UBE4B: variants seen among roughly 807,000 people sequenced by gnomAD.
UBE4B encodes ubiquitin conjugation factor E4 B.
A neutral mutation model predicts 148.1 loss-of-function variants in UBE4B; 27 were observed. The observed-to-expected ratio is 0.18, with a 90% CI of 0.13 to 0.25. The LOEUF (loss-of-function observed/expected upper bound fraction) is 0.25. Among genes scored for constraint, UBE4B ranks in the 10% least tolerant of loss-of-function variants. UBE4B has a pLI of 1.00. For synonymous variants in UBE4B, 596 were observed against 619.3 expected (o/e 0.96, Z 0.56); for missense variants, 1,170 against 1,662.4 (o/e 0.70, Z 5.15).
intron 7 of UBE4B, among the ~76,000 whole-genome samples, chr1:10,111,966 AAAAG>A (rs926471721): frequency 1.3e-5 from 2 of 152,152 alleles, no homozygotes; most frequent in Non-Finnish European, 2.9e-5. Context: ...CAAAAAAAAA[AAAAG>A]AAAGAAAATG....
chr1:10,103,820 G>A (rs1329710487), intron 5 of UBE4B, among the ~76,000 whole-genome samples: 1 of 151,772 alleles, frequency 6.6e-6, no homozygotes, highest in African/African-American at 2.4e-5. Flanking sequence ...TAGAGACAGG[G>A]TTTCACCATG....
At chr1:10,111,692 C>T (rs1223428095) in intron 7 of UBE4B, among the ~76,000 whole-genome samples, 1 of 152,104 alleles carries the variant, frequency 6.6e-6, no homozygotes, top group Non-Finnish European at 1.5e-5. Flanking sequence ...CGCGGTGGCT[C>T]ACACCTGTAA....
At chr1:10,089,097 C>T (rs1257609220) in intron 2 of UBE4B, among the ~76,000 whole-genome samples, 1 of 152,050 alleles carries the variant, frequency 6.6e-6, no homozygotes, top group Non-Finnish European at 1.5e-5. Context: ...ACCTCTGCCT[C>T]CCAGGTTCCA....
At chr1:10,059,875 CA>C (rs1644251963) in intron 1 of UBE4B, among the ~76,000 whole-genome samples, 1 of 152,122 alleles carries the variant, frequency 6.6e-6, no homozygotes, top group Admixed American at 6.6e-5. Context: ...CAGCCCAAGC[CA>C]AGGGAAGGCT....
At chr1:10,151,912 T>C (rs898553570) in intron 21 of UBE4B, among the ~76,000 whole-genome samples, 3 of 152,134 alleles carry the variant, frequency 2.0e-5, no homozygotes, top group Admixed American at 2.0e-4. Context: ...TTTTTAACAC[T>C]ATCCTATAAC....
rs5772395 is a variant in UBE4B, at chr1:10,082,632, CT to C, written c.211+10443del. Among the ~76,000 whole-genome samples the C allele has an allele frequency of 7.6e-3, 806 of 105,926 alleles. 30 individuals carry two copies. The East Asian group carries it at 0.14, about 18-fold the overall frequency. The allele number at this position is 105,926 out of a possible 152,430, so 69.5% of individuals were successfully genotyped here. A position where few individuals can be genotyped will look rare whatever the true frequency, so the allele number is the denominator to read the frequency against. ...ACTGTAGGTCCTATTAAGAAGGCGA[CT>C]TTTTTTTTTTTTTTTTTTTTTTTTA... On this transcript the variant is annotated intron_variant, in intron 2 of 27. Transcript: ENST00000343090.
intron 1 of UBE4B, among the ~76,000 whole-genome samples, chr1:10,063,491 C>A (rs551898203): frequency 1.1e-4 from 17 of 152,336 alleles, no homozygotes; most frequent in African/African-American, 4.1e-4. Context: ...CAGCCAAGTT[C>A]TGTTGGGAAC....
intron 1 of UBE4B, among the ~76,000 whole-genome samples, chr1:10,045,262 G>A (rs984206385): frequency 2.0e-5 from 3 of 152,174 alleles, no homozygotes; most frequent in South Asian, 2.1e-4. Flanking sequence ...GGGGACCCCC[G>A]CATTAGGGAG....
chr1:10,108,971 C>T (rs949827402), intron 7 of UBE4B, among the ~76,000 whole-genome samples: 2 of 152,108 alleles, frequency 1.3e-5, no homozygotes, highest in Admixed American at 6.5e-5. Context: ...CTCTAACAAC[C>T]GTATCAGATT....
intron 10 of UBE4B, among the ~76,000 whole-genome samples, chr1:10,124,385 C>T (rs181426516): frequency 2.0e-5 from 3 of 152,178 alleles, no homozygotes; most frequent in African/African-American, 4.8e-5. Context: ...TGGTCTTGAA[C>T]TCTTGGCCTC....
Position 10,117,535 on chromosome 1 carries a change from G to A in UBE4B, c.1273G>A (p.Asp425Asn). The change falls in exon 8 of 28, where the codon GAT becomes AAT. Residue 425 changes from aspartate to asparagine, a missense_variant. Around this residue, in one of 6 missense-constraint regions of UBE4B, gnomAD observed 388 missense variants for 536.0 expected, o/e 0.72. Transcript: ENST00000343090. ...CACCATTGAAACCTGCAAAGAGACA[G>A]ATATGCTGAACTACCTCATCGAGTG... The part of the protein sequence containing the change: ...HFTIETCKET[D>N]MLNYLIECFD... 1 of 1,611,878 alleles carries A rather than the reference G, an allele frequency of 6.2e-7. No homozygotes were observed. Among genetic ancestry groups the A allele is most frequent in the Non-Finnish European group, 8.5e-7 (1 of 1,179,368 alleles).
chr1:10,044,557 C>T (rs1267460730), intron 1 of UBE4B, among the ~76,000 whole-genome samples: 2 of 151,276 alleles, frequency 1.3e-5, no homozygotes, highest in African/African-American at 4.9e-5. Flanking sequence ...CTTACTCTTC[C>T]TTCCTTCCTT....
chr1:10,090,056 G>A (rs1644820622), intron 2 of UBE4B, among the ~76,000 whole-genome samples: 1 of 151,640 alleles, frequency 6.6e-6, no homozygotes, highest in Non-Finnish European at 1.5e-5. Flanking sequence ...TGATCCAAAG[G>A]ACTGTTCAGC....
intron 1 of UBE4B, among the ~76,000 whole-genome samples, chr1:10,065,574 T>G (rs898041816): frequency 3.3e-5 from 5 of 152,210 alleles, no homozygotes; most frequent in African/African-American, 1.2e-4. Context: ...TGGGCCAGTG[T>G]GGAGTTTGCT....
intron 2 of UBE4B, among the ~76,000 whole-genome samples, chr1:10,091,433 G>A (rs1644845217): frequency 1.3e-5 from 2 of 152,008 alleles, no homozygotes; most frequent in Admixed American, 6.6e-5. Context: ...TCAGGTTTTT[G>A]TGTGTGTCCT....
chr1:10,072,262 T>A (rs770063679), intron 2 of UBE4B, 48 bp downstream of exon 2: 1 of 1,581,502 alleles, frequency 6.3e-7, no homozygotes, highest in Non-Finnish European at 8.6e-7. Context: ...TCTTCTTAGC[T>A]TTTTGTTAAG....
chr1:10,149,293 T>A lies in UBE4B; in HGVS notation c.2690+11T>A. The A allele has an allele frequency of 6.4e-7, 1 of 1,572,374 alleles. No homozygotes were observed. Among genetic ancestry groups the A allele is most frequent in the Non-Finnish European group, 8.7e-7 (1 of 1,155,318 alleles). ...ATTTTTTATTGTACAGTAAGTGCCT[T>A]TAATATTTTACATAGTTCTAATATG... On this transcript the variant is annotated intron_variant, in intron 20 of 27. Coordinates refer to ENST00000343090, the MANE Select transcript of UBE4B (RefSeq NM_001105562.3).
At chr1:10,154,585 C>T (rs1570993990) in intron 21 of UBE4B, among the ~76,000 whole-genome samples, 1 of 152,158 alleles carries the variant, frequency 6.6e-6, no homozygotes, top group Non-Finnish European at 1.5e-5. Context: ...CGCCTGTAAT[C>T]CCAGCACTTT....
Position 10,168,548 on chromosome 1 carries a change from G to GATATAAT in UBE4B, c.3333+280_3333+281insATAATAT. On this transcript the variant is annotated intron_variant, in intron 24 of 27. Transcript: ENST00000343090. The surrounding 1 kb of genome is among the most constrained non-coding windows in gnomAD (Gnocchi z 4.9). The stretch of plus-strand genomic sequence containing the variant: ...GACAGTACATTGGATTATTCATGTT[G>GATATAAT]ATGTCATGACATATTTTTACCATTA... Among the ~76,000 whole-genome samples the GATATAAT allele has an allele frequency of 6.6e-6, 1 of 152,180 alleles. No individual in the cohort carries two copies. The highest frequency in any genetic ancestry group is 2.4e-5 in the African/African-American group (1 of 41,454).
Sources: gnomAD v4.1 joint callset for allele counts (sites outside exome capture counted in the v4.1 genomes callset) on GRCh38, gnomAD v4.1.1 for gene constraint, gnomAD v4.1.1 regional missense constraint, Gnocchi (gnomAD v3.1) non-coding constraint, MANE v1.5 for transcripts, NCBI Gene and HGNC (gene_info 2026-07-23, HGNC 2026-07-21) for gene names.